GLIS3: variants seen among roughly 807,000 people sequenced by gnomAD.
The protein encoded by GLIS3 is zinc finger protein GLIS3.
A neutral mutation model predicts 78.6 loss-of-function variants in GLIS3; 53 were observed. The ratio of observed to expected loss-of-function variants is 0.67; its 90% CI spans 0.54 to 0.85. The LOEUF (loss-of-function observed/expected upper bound fraction) is 0.85. Ranked by LOEUF, GLIS3 falls within the 40% of genes least tolerant of loss-of-function variation. The pLI is 0.00. For missense variants in GLIS3, 1,703 were observed against 1,231.1 expected (o/e 1.38, Z -5.74); for synonymous variants, 684 against 509.9 (o/e 1.34, Z -4.60).
chr9:4,444,149 G>C, the GLIS3 span, among the ~76,000 whole-genome samples: 2 of 152,176 alleles, frequency 1.3e-5, no homozygotes, highest in Non-Finnish European at 2.9e-5. Context: ...CTATTTGTTT[G>C]AAATGTGATC....
At chr9:4,071,491 T>C (rs1462110330) in intron 4 of GLIS3, 1 of 152,226 alleles carries the variant, frequency 6.6e-6, no homozygotes, top group East Asian at 1.9e-4. Flanking sequence ...TGAAATAAAC[T>C]ATTTCTAATT....
chr9:3,995,172 C>T (rs1368404882), intron 4 of GLIS3, among the ~76,000 whole-genome samples: 2 of 152,050 alleles, frequency 1.3e-5, no homozygotes, highest in Admixed American at 6.6e-5. Context: ...GACGTCTTGG[C>T]TCTTGGTGGG....
At chr9:4,246,449 A>C (rs1411133970) in intron 2 of GLIS3, among the ~76,000 whole-genome samples, 1 of 152,218 alleles carries the variant, frequency 6.6e-6, no homozygotes, top group South Asian at 2.1e-4. Flanking sequence ...TATTTTCACA[A>C]CTCAAGAGGT....
intron 2 of GLIS3, among the ~76,000 whole-genome samples, chr9:4,175,076 C>G (rs532029743): frequency 7.9e-4 from 120 of 152,182 alleles, no homozygotes; most frequent in Admixed American, 2.1e-3. Flanking sequence ...TTTTAAAGAG[C>G]AGGCATTTTA....
intron 2 of GLIS3, among the ~76,000 whole-genome samples, chr9:4,195,042 A>C (rs1413470952): frequency 6.6e-6 from 1 of 152,222 alleles, no homozygotes; most frequent in Non-Finnish European, 1.5e-5. Flanking sequence ...CCACAGCCAG[A>C]ACTGTGAAAA....
intron 8 of GLIS3, among the ~76,000 whole-genome samples, chr9:3,872,564 G>A (rs993210542): frequency 1.3e-5 from 2 of 152,198 alleles, no homozygotes; most frequent in African/African-American, 4.8e-5. Context: ...AGACACAAAG[G>A]TGAAAACCCC....
intron 4 of GLIS3, among the ~76,000 whole-genome samples, chr9:4,025,241 C>A (rs1823232253): frequency 6.6e-6 from 1 of 150,498 alleles, no homozygotes; most frequent in Non-Finnish European, 1.5e-5. Context: ...AACAGTGAGA[C>A]TCCGTCTCAA....
chr9:4,067,894 C>T (rs1372940701), intron 4 of GLIS3, among the ~76,000 whole-genome samples: 1 of 151,952 alleles, frequency 6.6e-6, no homozygotes, highest in Non-Finnish European at 1.5e-5. Context: ...GAAGCAATAA[C>T]CACCGAGCTG....
the GLIS3 span, among the ~76,000 whole-genome samples, chr9:4,369,137 G>T: frequency 6.6e-6 from 1 of 151,982 alleles, no homozygotes; most frequent in African/African-American, 2.4e-5. Flanking sequence ...TGGAATTTTT[G>T]CACATTATTA....
the GLIS3 span, among the ~76,000 whole-genome samples, chr9:4,438,077 T>C: frequency 2.6e-5 from 4 of 152,184 alleles, no homozygotes; most frequent in Non-Finnish European, 2.9e-5. Context: ...TGGTCAGCTG[T>C]AGTTGAGAAG....
intron 6 of GLIS3, among the ~76,000 whole-genome samples, chr9:3,924,841 G>A (rs1436951859): frequency 1.3e-5 from 2 of 152,186 alleles, no homozygotes; most frequent in Non-Finnish European, 2.9e-5. Context: ...ATTCCAAAAT[G>A]ATTTTCATCA....
chr9:4,338,586 T>C (rs1438608940), intron 2 of GLIS3, among the ~76,000 whole-genome samples: 1 of 152,134 alleles, frequency 6.6e-6, no homozygotes, highest in African/African-American at 2.4e-5. Context: ...GAATTTCAAA[T>C]AGGTCTGGAA....
At chr9:4,417,980 G>C in the GLIS3 span, among the ~76,000 whole-genome samples, 1 of 152,156 alleles carries the variant, frequency 6.6e-6, no homozygotes. Context: ...AGGAAACTTT[G>C]CACAATATCT....
At chr9:4,236,204 A>AAAAAAAAAAAAAAAAAAAAAAAAAGAAAG (rs536737911) in intron 2 of GLIS3, among the ~76,000 whole-genome samples, 1 of 86,340 alleles carries the variant, frequency 1.2e-5, no homozygotes, top group African/African-American at 4.3e-5. Flanking sequence ...AAAAAAAAAA[A>AAAAAAAAAAAAAAAAAAAAAAAAAGAAAG]AAAGAAAGAA....
the GLIS3 span, among the ~76,000 whole-genome samples, chr9:4,401,740 T>C: frequency 2.0e-5 from 3 of 151,414 alleles, no homozygotes; most frequent in East Asian, 5.9e-4. Context: ...TACAGGTGCA[T>C]GCTACCATGC....
At chr9:4,294,907 A>G (rs114672221) in intron 1 of GLIS3, among the ~76,000 whole-genome samples, 111 of 152,368 alleles carry the variant, frequency 7.3e-4, no homozygotes, top group African/African-American at 2.5e-3. Flanking sequence ...ATATACAATT[A>G]TAACCCACAT....
At chr9:3,953,107 T>C (rs1034949886) in intron 4 of GLIS3, among the ~76,000 whole-genome samples, 1 of 152,196 alleles carries the variant, frequency 6.6e-6, no homozygotes, top group Non-Finnish European at 1.5e-5. Flanking sequence ...GCACTACATA[T>C]ATTGTCTGAT....
intron 4 of GLIS3, among the ~76,000 whole-genome samples, chr9:3,970,533 C>T (rs1377045678): frequency 6.6e-6 from 1 of 152,066 alleles, no homozygotes; most frequent in African/African-American, 2.4e-5. Context: ...AAATAAGAGA[C>T]TACCAGTGTT....
At chr9:4,046,888 A>T (rs979248655) in intron 4 of GLIS3, among the ~76,000 whole-genome samples, 2 of 152,208 alleles carry the variant, frequency 1.3e-5, no homozygotes, top group African/African-American at 4.8e-5. Flanking sequence ...GGACACAATT[A>T]GGGATGAAAG....
Sources: allele counts gnomAD v4.1 joint callset (sites outside exome capture counted in the v4.1 genomes callset), GRCh38; gene constraint gnomAD v4.1.1; transcripts MANE v1.5; gene names NCBI Gene and HGNC (gene_info 2026-07-23, HGNC 2026-07-21).